AFTPH: variants seen among roughly 807,000 people sequenced by gnomAD.
AFTPH encodes aftiphilin protein.
AFTPH carries 7 observed loss-of-function variants against 72.5 expected under a neutral mutation model. The observed-to-expected ratio is 0.10, with a 90% CI of 0.05 to 0.18. AFTPH has a LOEUF of 0.18. Ranked by LOEUF, AFTPH falls within the 10% of genes least tolerant of loss-of-function variation. The pLI, the probability that AFTPH is intolerant of heterozygous loss-of-function variation, is 1.00. For synonymous variants in AFTPH, 337 were observed against 370.1 expected (o/e 0.91, Z 1.03); for missense variants, 979 against 1,060.5 (o/e 0.92, Z 1.07).
At chr2:64,534,721 T>C (rs1354941914) in intron 1 of AFTPH, among the ~76,000 whole-genome samples, 1 of 147,920 alleles carries the variant, frequency 6.8e-6, no homozygotes, top group Non-Finnish European at 1.5e-5. Context: ...CAAGTGAAAC[T>C]GTGTTTAATT....
chr2:64,536,951 CAAAAAAAAAAA>C (rs70937353), intron 1 of AFTPH, among the ~76,000 whole-genome samples: 3 of 81,810 alleles, frequency 3.7e-5, no homozygotes, highest in South Asian at 3.8e-4. Context: ...GACTCTGTCT[CAAAAAAAAAAA>C]AAAAAAAAAA....
chr2:64,575,592 A>G (rs1456109801), intron 6 of AFTPH, among the ~76,000 whole-genome samples: 2 of 152,052 alleles, frequency 1.3e-5, no homozygotes, highest in Non-Finnish European at 2.9e-5. Context: ...ACTCCAGCCT[A>G]GGCAACAGAG....
chr2:64,552,249 C>T, exon 2 of AFTPH: 1 of 1,613,964 alleles, frequency 6.2e-7, no homozygotes, highest in South Asian at 1.1e-5. Flanking sequence ...TAGAGAAGCA[C>T]TAACCATTCG....
chr2:64,532,657 G>T (rs1257486525), intron 1 of AFTPH, among the ~76,000 whole-genome samples: 2 of 152,208 alleles, frequency 1.3e-5, no homozygotes, highest in African/African-American at 2.4e-5. Flanking sequence ...CTTGAGCTCT[G>T]TTCTTGTTAA....
chr2:64,545,093 A>G (rs1361903795), intron 1 of AFTPH, among the ~76,000 whole-genome samples: 6 of 152,180 alleles, frequency 3.9e-5, no homozygotes, highest in African/African-American at 9.7e-5. Flanking sequence ...TAGGTTGTGA[A>G]CCAATAAATT....
chr2:64,581,879 C>T (rs1673226693), intron 7 of AFTPH, among the ~76,000 whole-genome samples: 1 of 151,972 alleles, frequency 6.6e-6, no homozygotes, highest in African/African-American at 2.4e-5. Context: ...AAAAATGTTA[C>T]AAAAGTTAAT....
exon 1 of AFTPH, chr2:64,524,445 G>C (rs1669122249): frequency 5.0e-6 from 2 of 402,624 alleles, no homozygotes; most frequent in East Asian, 7.1e-5. Flanking sequence ...CGCGGCAGCG[G>C]TGAAACTCCG....
At chr2:64,551,586 A>C (rs777523935) in exon 2 of AFTPH, 2 of 1,614,122 alleles carry the variant, frequency 1.2e-6, no homozygotes, top group South Asian at 2.2e-5. Flanking sequence ...TTCAGAAGTT[A>C]GCCCTTCTGG....
chr2:64,528,351 A>T (rs1347515869), intron 1 of AFTPH, among the ~76,000 whole-genome samples: 1 of 152,174 alleles, frequency 6.6e-6, no homozygotes, highest in Non-Finnish European at 1.5e-5. Context: ...GGTGCTGGGG[A>T]TACTGAAATG....
At chr2:64,579,960 A>C (rs1039287668) in intron 7 of AFTPH, 1 of 159,946 alleles carries the variant, frequency 6.3e-6, no homozygotes. Context: ...AGCCAAAAAC[A>C]GTGTGCATAG....
intron 1 of AFTPH, among the ~76,000 whole-genome samples, chr2:64,529,633 C>CTT (rs66889509): frequency 2.7e-4 from 38 of 142,728 alleles, no homozygotes; most frequent in Non-Finnish European, 1.2e-4. Flanking sequence ...AAACAAATCA[C>CTT]TTTTTTTTTT....
In AFTPH at chr2:64,556,952, C is replaced by T. The variant is rs369945072; in HGVS notation, c.1935+3543C>T. 7.9e-5 allele frequency among the ~76,000 whole-genome samples: 12 copies of T among 152,296 alleles called. No individual in the cohort carries two copies. In the East Asian group the frequency reaches 1.2e-3, roughly 15 times the overall value. On this transcript the variant is annotated intron_variant, in intron 2 of 8. Transcript: ENST00000238856. ...TTGTAGAGAAGGTAAGTAGTGGTAT[C>T]TCCATTATACGAATGAGAACGAGGT...
chr2:64,572,378 C>T (rs1672489973), intron 5 of AFTPH, among the ~76,000 whole-genome samples: 3 of 152,184 alleles, frequency 2.0e-5, no homozygotes, highest in South Asian at 2.1e-4. Context: ...ATTAAGTTTA[C>T]ACTGAAGGAT....
chr2:64,538,448 C>A (rs1670007194), intron 1 of AFTPH, among the ~76,000 whole-genome samples: 1 of 152,184 alleles, frequency 6.6e-6, no homozygotes, highest in Non-Finnish European at 1.5e-5. Context: ...TACCTGTGTA[C>A]ACTCCACACG....
chr2:64,588,466 C>T (rs1290899259), intron 8 of AFTPH, among the ~76,000 whole-genome samples: 1 of 152,078 alleles, frequency 6.6e-6, no homozygotes, highest in Non-Finnish European at 1.5e-5. Flanking sequence ...ATTTCTGGGT[C>T]TTATAGGAAC....
chr2:64,524,753 T>TCTGCGGGC (rs1324872857), intron 1 of AFTPH, 141 bp downstream of exon 1: 2 of 359,118 alleles, frequency 5.6e-6, no homozygotes, highest in African/African-American at 4.2e-5. Context: ...CGGAGCTGGC[T>TCTGCGGGC]CTGCGGGCCT....
chr2:64,571,711 T>C (rs925518163), intron 5 of AFTPH, among the ~76,000 whole-genome samples: 3 of 152,220 alleles, frequency 2.0e-5, no homozygotes, highest in African/African-American at 7.2e-5. Flanking sequence ...TTTTTGTTTT[T>C]TTGGCCCAGT....
exon 9 of AFTPH, chr2:64,592,008 A>G: frequency 1.2e-6 from 2 of 1,613,834 alleles, no homozygotes; most frequent in South Asian, 1.1e-5. Flanking sequence ...CACCTTCCAC[A>G]AGCTCTCAAG....
intron 2 of AFTPH, among the ~76,000 whole-genome samples, chr2:64,555,461 T>C (rs1390066224): frequency 6.6e-6 from 1 of 151,598 alleles, no homozygotes; most frequent in East Asian, 1.9e-4. Flanking sequence ...CTCAGGAGGC[T>C]GAGACAGGAG....
Sources: allele counts gnomAD v4.1 joint callset (sites outside exome capture counted in the v4.1 genomes callset), GRCh38; gene constraint gnomAD v4.1.1; transcripts MANE v1.5; gene names NCBI Gene and HGNC (gene_info 2026-07-23, HGNC 2026-07-21).